The following RASL12 variants were observed in gnomAD, a reference collection of about 807,000 sequenced individuals.
The protein encoded by RASL12 is ras-like protein family member 12.
A neutral mutation model predicts 22.9 loss-of-function variants in RASL12; 16 were observed. That is an observed-to-expected ratio of 0.70 (90% confidence interval 0.47 to 1.06). The LOEUF (loss-of-function observed/expected upper bound fraction) is 1.06. Ranked by LOEUF, RASL12 falls within the 50% of genes least tolerant of loss-of-function variation. The pLI is 0.00. For synonymous variants in RASL12, 159 were observed against 152.2 expected (o/e 1.04, Z -0.33); for missense variants, 306 against 353.1 (o/e 0.87, Z 1.07).
At chr15:65,062,948 G>A (rs537935178) in intron 2 of RASL12, among the ~76,000 whole-genome samples, 32 of 152,288 alleles carry the variant, frequency 2.1e-4, no homozygotes, top group African/African-American at 3.1e-4. Context: ...TCTCTGACTC[G>A]TGGGCTGTCA....
At chr15:65,062,068 A>C (rs1460141957) in intron 2 of RASL12, among the ~76,000 whole-genome samples, 1 of 151,528 alleles carries the variant, frequency 6.6e-6, no homozygotes, top group Non-Finnish European at 1.5e-5. Context: ...GTGACCAAAA[A>C]AAAAAAAAAA....
At chr15:65,062,409 AG>A (rs1477955531) in intron 2 of RASL12, among the ~76,000 whole-genome samples, 1 of 152,218 alleles carries the variant, frequency 6.6e-6, no homozygotes, top group Non-Finnish European at 1.5e-5. Flanking sequence ...CTCTGACTCC[AG>A]GCCCTCTATG....
At chr15:65,053,138 C>T, downstream of RASL12, 1 of 1,614,094 alleles carries the variant, frequency 6.2e-7, no homozygotes, top group South Asian at 1.1e-5. Flanking sequence ...AGTTTTCCTT[C>T]CGGATGTACC....
intron 3 of RASL12, 93 bp downstream of exon 3, chr15:65,059,251 TA>T: frequency 9.3e-7 from 1 of 1,073,592 alleles, no homozygotes; most frequent in Non-Finnish European, 1.4e-6. Flanking sequence ...AAAAGGCATC[TA>T]AATGCCTATC....
chr15:65,068,149 G>C (rs1394720078), upstream of RASL12: 1 of 1,012,866 alleles, frequency 9.9e-7, no homozygotes, highest in South Asian at 4.6e-5. The surrounding 1 kb of genome is among the most constrained non-coding windows in gnomAD (Gnocchi z 4.2). Flanking sequence ...CCCCACCGCC[G>C]GGCTGGGCCT....
At chr15:65,056,626 G>T (rs543596069) in intron 4 of RASL12, among the ~76,000 whole-genome samples, 1 of 152,252 alleles carries the variant, frequency 6.6e-6, no homozygotes, top group East Asian at 1.9e-4. Flanking sequence ...ACAGAACATT[G>T]TCCTTTTTCT....
downstream of RASL12, chr15:65,049,897 G>A: frequency 1.4e-6 from 1 of 696,014 alleles, no homozygotes; most frequent in Non-Finnish European, 2.3e-6. Flanking sequence ...TTGTTTCCAG[G>A]GGTCTTCACG....
At position 65,053,418 on chromosome 15, in the gene RASL12, G is replaced by A; in HGVS notation, c.*1481C>T. The A allele has an allele frequency of 7.7e-7, 1 of 1,305,194 alleles. No homozygotes were observed. Among genetic ancestry groups the A allele is most frequent in the Non-Finnish European group, 9.8e-7 (1 of 1,025,334 alleles). The allele number at this position is 1,305,194 out of a possible 1,614,324, so 80.9% of individuals were successfully genotyped here. On this transcript the variant is annotated 3_prime_UTR_variant, in exon 5 of 5. Coordinates refer to ENST00000220062, the MANE Select transcript of RASL12 (RefSeq NM_016563.4). Reference sequence around the variant, plus strand: ...TTGCATAGTTTGTTCAGATGGCAGTGGTACACACACACATACACACACAAG... The same window carrying A: ...TTGCATAGTTTGTTCAGATGGCAGTAGTACACACACACATACACACACAAG...
At chr15:65,069,596 C>T (rs1241320465), upstream of RASL12, among the ~76,000 whole-genome samples, 1 of 152,206 alleles carries the variant, frequency 6.6e-6, no homozygotes, top group Non-Finnish European at 1.5e-5. Flanking sequence ...GTTTCCTCAT[C>T]TTTAAAACTT....
intron 1 of RASL12, among the ~76,000 whole-genome samples, chr15:65,076,322 A>G (rs2946641): frequency 0.45 from 68,535 of 151,904 alleles, 16,108 homozygotes; most frequent in East Asian, 0.71. Context: ...TTCACTCCTG[A>G]GGCCAGCGAG....
chr15:65,052,399 C>CTTTT (rs34021026), downstream of RASL12, among the ~76,000 whole-genome samples: 6 of 76,338 alleles, frequency 7.9e-5, no homozygotes, highest in Admixed American at 1.5e-4. Context: ...GCATCCTTGG[C>CTTTT]TTTTTTTTTT....
intron 2 of RASL12, among the ~76,000 whole-genome samples, chr15:65,059,812 A>C (rs909816870): frequency 1.3e-5 from 2 of 152,154 alleles, no homozygotes; most frequent in Non-Finnish European, 2.9e-5. Context: ...TTCCCCCTCA[A>C]CCAACCTCCT....
chr15:65,056,950 G>T (rs1292082792), intron 4 of RASL12, among the ~76,000 whole-genome samples: 1 of 117,780 alleles, frequency 8.5e-6, no homozygotes, highest in Non-Finnish European at 1.8e-5. Context: ...GGTCAAAAGA[G>T]TGATCTGTGC....
At chr15:65,073,303 C>T (rs748109988) in intron 1 of RASL12, among the ~76,000 whole-genome samples, 83 of 152,260 alleles carry the variant, frequency 5.5e-4, no homozygotes, top group Non-Finnish European at 1.0e-3. Context: ...ACTTACACAA[C>T]TTGCCATAAT....
chr15:65,052,525 C>A (rs1453716750), downstream of RASL12, among the ~76,000 whole-genome samples: 1 of 150,502 alleles, frequency 6.6e-6, no homozygotes, highest in East Asian at 2.0e-4. Flanking sequence ...TTCAGCCTCC[C>A]AAATAGCTGC....
intron 1 of RASL12, among the ~76,000 whole-genome samples, chr15:65,075,082 C>T (rs1342024973): frequency 6.6e-6 from 1 of 152,262 alleles, no homozygotes; most frequent in African/African-American, 2.4e-5. Context: ...GCTGGAGTTC[C>T]AGGTGGGCGT....
chr15:65,053,557 C>T lies in RASL12; in HGVS notation c.*1342G>A, dbSNP rs1371747335. On this transcript the variant is annotated 3_prime_UTR_variant, in exon 5 of 5. Coordinates refer to ENST00000220062, the MANE Select transcript of RASL12 (RefSeq NM_016563.4). ...AGCCCCCCTCTGACCTCAGCTCCTCCATTTACAGAATGAGTCCGAAGACTG... is the reference window on the plus strand; with the variant it reads ...AGCCCCCCTCTGACCTCAGCTCCTCTATTTACAGAATGAGTCCGAAGACTG... The T allele has an allele frequency of 9.9e-7, 1 of 1,012,038 alleles. No homozygotes were observed. The allele number at this position is 1,012,038 out of a possible 1,614,324, so 62.7% of individuals were successfully genotyped here.
At chr15:65,050,189 C>T (rs1167318574), downstream of RASL12, 1 of 1,029,028 alleles carries the variant, frequency 9.7e-7, no homozygotes, top group Non-Finnish European at 1.4e-6. Flanking sequence ...ACTGTCGTCC[C>T]CTCCAGGTCA....
intron 2 of RASL12, among the ~76,000 whole-genome samples, chr15:65,060,837 T>G (rs1008163263): frequency 6.6e-5 from 10 of 152,208 alleles, no homozygotes; most frequent in African/African-American, 2.2e-4. Flanking sequence ...CTGGACACAC[T>G]CCAGGTCCAC....
Sources: allele counts gnomAD v4.1 joint callset (sites outside exome capture counted in the v4.1 genomes callset), GRCh38; gene constraint gnomAD v4.1.1; non-coding constraint Gnocchi (gnomAD v3.1); transcripts MANE v1.5; gene names NCBI Gene and HGNC (gene_info 2026-07-23, HGNC 2026-07-21).